TFDP2: variants seen among roughly 807,000 people sequenced by gnomAD.
The protein encoded by TFDP2 is transcription factor Dp-2, also known as transcription factor Dp-2 (E2F dimerization partner 2).
Under a neutral mutation model 59.3 loss-of-function variants are expected in TFDP2, and 17 were observed. The observed-to-expected ratio is 0.29, with a 90% CI of 0.20 to 0.43. The LOEUF (loss-of-function observed/expected upper bound fraction) is 0.43, where lower values mean the gene tolerates loss of function less well. Ranked by LOEUF, TFDP2 falls within the 20% of genes least tolerant of loss-of-function variation. The pLI is 1.00. For synonymous variants in TFDP2, 180 were observed against 194.7 expected (o/e 0.92, Z 0.63); for missense variants, 391 against 528.8 (o/e 0.74, Z 2.56).
At chr3:142,034,739 G>T (rs1355568883) in intron 3 of TFDP2, among the ~76,000 whole-genome samples, 1 of 146,924 alleles carries the variant, frequency 6.8e-6, no homozygotes, top group East Asian at 2.0e-4. Context: ...TTTTTGAGAC[G>T]GAGTCTTGCT....
At chr3:142,082,198 T>C (rs2060660810) in intron 3 of TFDP2, among the ~76,000 whole-genome samples, 3 of 152,208 alleles carry the variant, frequency 2.0e-5, no homozygotes, top group African/African-American at 7.2e-5. Context: ...GTGCTCCTTG[T>C]GAGAATCTCA....
rs373394427 is a variant in TFDP2, at chr3:141,987,938, C to CA, written c.356+5599dup. 2.0e-3 allele frequency among the ~76,000 whole-genome samples: 257 copies of CA among 129,568 alleles called. 7 individuals carry two copies. Among genetic ancestry groups the CA allele is most frequent in the Middle Eastern group, 7.6e-3 (2 of 264 alleles). The allele number at this position is 129,568 out of a possible 152,430, so 85.0% of individuals were successfully genotyped here. A position where few individuals can be genotyped will look rare whatever the true frequency, so the allele number is the denominator to read the frequency against. On this transcript the variant is annotated intron_variant, in intron 6 of 12. Coordinates refer to ENST00000489671, the MANE Select transcript of TFDP2 (RefSeq NM_001178139.2). ...TGGACGACAGAGCAAGACCCTGCCTCAAAAAAAAAAGAAAAGAAAAAGAAA... is the reference window on the plus strand; with the variant it reads ...TGGACGACAGAGCAAGACCCTGCCTCAAAAAAAAAAAGAAAAGAAAAAGAAA...
intron 3 of TFDP2, among the ~76,000 whole-genome samples, chr3:142,006,973 A>G (rs1944270637): frequency 6.6e-6 from 1 of 151,790 alleles, no homozygotes; most frequent in Admixed American, 6.6e-5. Context: ...ATGGGGTTTC[A>G]CCATGTTGGC....
chr3:142,116,953 G>A (rs1253360332), intron 1 of TFDP2, among the ~76,000 whole-genome samples: 3 of 151,638 alleles, frequency 2.0e-5, no homozygotes, highest in East Asian at 1.9e-4. Flanking sequence ...ACAGAGTCTC[G>A]TTCTGTTGCC....
At chr3:142,042,205 TA>T (rs1264578199) in intron 3 of TFDP2, among the ~76,000 whole-genome samples, 4 of 152,232 alleles carry the variant, frequency 2.6e-5, no homozygotes, top group Non-Finnish European at 5.9e-5. Context: ...GTCACTCTAT[TA>T]TGTTCACTGC....
chr3:142,127,938 C>T lies in TFDP2; in HGVS notation c.-93+21245G>A, dbSNP rs187591174. On this transcript the variant is annotated intron_variant, in intron 1 of 12. Transcript: ENST00000489671. Reference sequence around the variant, plus strand: ...CCTTCTGGCTGAGCCCAGTGGCTCACACTTACAATTCCAGTGCTTTGGGAA... The same window carrying T: ...CCTTCTGGCTGAGCCCAGTGGCTCATACTTACAATTCCAGTGCTTTGGGAA... Among the ~76,000 whole-genome samples the T allele has an allele frequency of 6.6e-5, 10 of 152,212 alleles. No homozygotes were observed. The East Asian group carries it at 1.9e-3, about 29-fold the overall frequency.
At chr3:142,133,944 G>C (rs762903523) in intron 1 of TFDP2, among the ~76,000 whole-genome samples, 1 of 151,744 alleles carries the variant, frequency 6.6e-6, no homozygotes, top group African/African-American at 2.4e-5. Flanking sequence ...TAAGGCAGAA[G>C]AATCACTTGA....
intron 1 of TFDP2, among the ~76,000 whole-genome samples, chr3:142,130,902 A>C (rs1206026682): frequency 6.6e-6 from 1 of 150,476 alleles, no homozygotes; most frequent in Non-Finnish European, 1.5e-5. Context: ...AAATACAAAA[A>C]ATTAGCCAAA....
At chr3:142,099,101 C>T (rs938710432) in intron 2 of TFDP2, among the ~76,000 whole-genome samples, 3 of 152,110 alleles carry the variant, frequency 2.0e-5, no homozygotes, top group Middle Eastern at 3.2e-3. Flanking sequence ...TTAGTAATGC[C>T]TCTGTAAGAG....
At chr3:142,120,859 A>G (rs1439860296) in intron 1 of TFDP2, among the ~76,000 whole-genome samples, 1 of 152,114 alleles carries the variant, frequency 6.6e-6, no homozygotes, top group Non-Finnish European at 1.5e-5. Flanking sequence ...CACTGTGCAT[A>G]TAACCCCTTT....
chr3:142,117,468 C>T (rs181234981), intron 1 of TFDP2, among the ~76,000 whole-genome samples: 142 of 151,004 alleles, frequency 9.4e-4, no homozygotes, highest in African/African-American at 3.3e-3. Context: ...ACTTCCTTAC[C>T]TCTGCAAGCC....
chr3:141,970,861 A>G (rs1183287518), intron 8 of TFDP2, among the ~76,000 whole-genome samples: 1 of 152,086 alleles, frequency 6.6e-6, no homozygotes, highest in Non-Finnish European at 1.5e-5. Flanking sequence ...CAGGAGTTTG[A>G]GACCAGTCTG....
At chr3:141,953,694 C>T (rs558040803) in intron 11 of TFDP2, among the ~76,000 whole-genome samples, 1 of 151,780 alleles carries the variant, frequency 6.6e-6, no homozygotes, top group South Asian at 2.1e-4. Flanking sequence ...AGGTTAGTTA[C>T]ATATGTATAC....
At chr3:142,114,419 T>C (rs1202429982) in intron 1 of TFDP2, among the ~76,000 whole-genome samples, 1 of 152,174 alleles carries the variant, frequency 6.6e-6, no homozygotes, top group Non-Finnish European at 1.5e-5. Context: ...AAGTATTAAA[T>C]AGTTTTAGAT....
intron 1 of TFDP2, among the ~76,000 whole-genome samples, chr3:142,114,126 C>T (rs891019049): frequency 6.6e-6 from 1 of 151,408 alleles, no homozygotes; most frequent in Non-Finnish European, 1.5e-5. Flanking sequence ...AATCGCGCCA[C>T]TGCACTCCAG....
intron 3 of TFDP2, among the ~76,000 whole-genome samples, chr3:142,071,473 A>G (rs573310759): frequency 6.6e-6 from 1 of 152,298 alleles, no homozygotes; most frequent in Non-Finnish European, 1.5e-5. Flanking sequence ...GGATCATTTA[A>G]ATTGTAGTTT....
At chr3:142,057,533 A>G (rs1212602982) in intron 3 of TFDP2, among the ~76,000 whole-genome samples, 1 of 152,194 alleles carries the variant, frequency 6.6e-6, no homozygotes, top group Admixed American at 6.5e-5. Context: ...AAATCTAAGG[A>G]TAATGTGCAA....
chr3:141,974,251 T>C, intron 7 of TFDP2, 60 bp from the exon 8 acceptor site: 1 of 1,392,560 alleles, frequency 7.2e-7, no homozygotes. Flanking sequence ...AGTCACATGA[T>C]ATGAATATAT....
chr3:142,125,902 T>A (rs6766730), intron 1 of TFDP2, among the ~76,000 whole-genome samples: 57,934 of 152,024 alleles, frequency 0.38, 12,202 homozygotes, highest in African/African-American at 0.54. Flanking sequence ...CTTAATTTTT[T>A]AAATTGTATA....
Sources: gnomAD v4.1 joint callset for allele counts (sites outside exome capture counted in the v4.1 genomes callset) on GRCh38, gnomAD v4.1.1 for gene constraint, MANE v1.5 for transcripts, NCBI Gene and HGNC (gene_info 2026-07-23, HGNC 2026-07-21) for gene names.